PAFAH1B1: variants seen among roughly 807,000 people sequenced by gnomAD.
PAFAH1B1 encodes the protein platelet activating factor acetylhydrolase 1b regulatory subunit 1, also known as platelet-activating factor acetylhydrolase IB subunit beta.
In PAFAH1B1, 2 loss-of-function variants were observed where a neutral mutation model predicts 57.5. The observed-to-expected ratio is 0.03, with a 90% CI of 0.01 to 0.11. The LOEUF (loss-of-function observed/expected upper bound fraction) is 0.11, where lower values mean the gene tolerates loss of function less well. Among genes scored for constraint, PAFAH1B1 ranks in the 10% least tolerant of loss-of-function variants. The pLI, the probability that PAFAH1B1 is intolerant of heterozygous loss-of-function variation, is 1.00. For missense variants in PAFAH1B1, 257 were observed against 512.0 expected, an observed-to-expected ratio of 0.50 and a Z score of 4.81; for synonymous variants, 152 against 169.6, an observed-to-expected ratio of 0.90 and a Z score of 0.81.
At chr17:2,676,928 C>G (rs774559371) in intron 9 of PAFAH1B1, among the ~76,000 whole-genome samples, 10 of 151,984 alleles carry the variant, frequency 6.6e-5, no homozygotes, top group Admixed American at 1.3e-4. Context: ...TTTGGGAGGC[C>G]GAGGCGGGTG....
rs1391926938 is a variant in PAFAH1B1 at position 2,684,159 on chromosome 17, T to C, written c.*2357T>C. On this transcript the variant is annotated 3_prime_UTR_variant, in exon 11 of 11. Coordinates refer to ENST00000397195, the MANE Select transcript of PAFAH1B1 (RefSeq NM_000430.4). Reference sequence around the variant, plus strand: ...CCTCCATGTGAGAAGCAGCGAACATTGAATCTCAGGGATGGCCCACAACTG... The same window carrying C: ...CCTCCATGTGAGAAGCAGCGAACATCGAATCTCAGGGATGGCCCACAACTG... The C allele has an allele frequency of 6.6e-6, 1 of 152,578 alleles. No individual in the cohort carries two copies. The highest frequency in any genetic ancestry group is 1.5e-5 in the Non-Finnish European group (1 of 68,042). 9.5% of individuals were successfully genotyped at this position (152,578 alleles called of 1,614,324 possible).
chr17:2,634,585 A>T (rs2068597944), intron 1 of PAFAH1B1, among the ~76,000 whole-genome samples: 1 of 152,074 alleles, frequency 6.6e-6, no homozygotes. Flanking sequence ...TGTTGTCCTA[A>T]TGTAGACCTC....
At chr17:2,601,322 A>G (rs2068141494) in intron 1 of PAFAH1B1, among the ~76,000 whole-genome samples, 1 of 151,838 alleles carries the variant, frequency 6.6e-6, no homozygotes, top group South Asian at 2.1e-4. Flanking sequence ...TTTTTAATAG[A>G]GATGGGGGGT....
chr17:2,655,181 ATATGTGTGTG>A (rs941283247), intron 2 of PAFAH1B1, among the ~76,000 whole-genome samples: 2 of 122,674 alleles, frequency 1.6e-5, no homozygotes, highest in Admixed American at 8.1e-5. Flanking sequence ...ATATATACAT[ATATGTGTGTG>A]TGTGTGTGTG....
intron 2 of PAFAH1B1, among the ~76,000 whole-genome samples, chr17:2,644,163 CT>C (rs568959536): frequency 0.013 from 1,803 of 143,900 alleles, 18 homozygotes; most frequent in African/African-American, 0.023. Flanking sequence ...CTCTCTTGCT[CT>C]TTTTTTTTTT....
chr17:2,655,789 A>C (rs2151649411), intron 2 of PAFAH1B1, among the ~76,000 whole-genome samples: 1 of 152,288 alleles, frequency 6.6e-6, no homozygotes, highest in Non-Finnish European at 1.5e-5. Context: ...GATGTGAAAA[A>C]AAAAAAAATA....
chr17:2,617,546 A>G (rs1357276423), intron 1 of PAFAH1B1, among the ~76,000 whole-genome samples: 2 of 152,106 alleles, frequency 1.3e-5, no homozygotes, highest in Non-Finnish European at 2.9e-5. Flanking sequence ...TGTTTTTATT[A>G]CCTGCTGACA....
At chr17:2,678,024 A>T (rs2069299404) in intron 9 of PAFAH1B1, among the ~76,000 whole-genome samples, 1 of 151,994 alleles carries the variant, frequency 6.6e-6, no homozygotes, top group Non-Finnish European at 1.5e-5. Flanking sequence ...TTGGAGGCTG[A>T]GGCAGGTGGA....
At chr17:2,665,979 A>G (rs1471164973) in intron 3 of PAFAH1B1, 37 bp from the exon 4 acceptor site, 3 of 1,416,144 alleles carry the variant, frequency 2.1e-6, no homozygotes, top group Middle Eastern at 2.4e-4. Context: ...ATCATAGTTA[A>G]GCCATTTTTT....
chr17:2,676,831 G>C (rs535917863), intron 9 of PAFAH1B1, among the ~76,000 whole-genome samples: 9 of 152,292 alleles, frequency 5.9e-5, no homozygotes, highest in Admixed American at 2.6e-4. Flanking sequence ...CGGTGTTTGA[G>C]GGGGAGATGC....
At chr17:2,650,482 A>T (rs191523172) in intron 2 of PAFAH1B1, among the ~76,000 whole-genome samples, 1 of 151,154 alleles carries the variant, frequency 6.6e-6, no homozygotes, top group African/African-American at 2.4e-5. Flanking sequence ...ACTGCACTCC[A>T]GCCTGGGTGA....
chr17:2,670,353 T>C, intron 6 of PAFAH1B1, 22 bp downstream of exon 6: 1 of 1,593,272 alleles, frequency 6.3e-7, no homozygotes, highest in Non-Finnish European at 8.6e-7. Context: ...AGGATAGTGC[T>C]TTAACAGTAA....
intron 1 of PAFAH1B1, among the ~76,000 whole-genome samples, chr17:2,629,224 C>A (rs548055797): frequency 6.6e-6 from 1 of 152,128 alleles, no homozygotes; most frequent in African/African-American, 2.4e-5. Context: ...TTGATGTAGG[C>A]GTTTAGGGCT....
rs187500247 is a variant in PAFAH1B1, at chr17:2,654,684, G to A, written c.33-10688G>A. Among the ~76,000 whole-genome samples, 465 of 152,060 alleles carry A rather than the reference G, an allele frequency of 3.1e-3. 2 individuals are homozygous for A. Among genetic ancestry groups the A allele is most frequent in the Non-Finnish European group, 5.6e-3 (382 of 67,982 alleles). On this transcript the variant is annotated intron_variant, in intron 2 of 10. Coordinates refer to ENST00000397195, the MANE Select transcript of PAFAH1B1 (RefSeq NM_000430.4). ...TGAGATAGTGTCTGGCTCTGTTACC[G>A]AGGCTGGAGTGCAGTGGCTCAATCT...
intron 10 of PAFAH1B1, 25 bp from the exon 11 acceptor site, chr17:2,681,701 TTAA>T: frequency 6.3e-7 from 1 of 1,587,888 alleles, no homozygotes; most frequent in Non-Finnish European, 8.6e-7. Context: ...CGTGTGAGTT[TTAA>T]ATAAACCATT....
intron 5 of PAFAH1B1, among the ~76,000 whole-genome samples, chr17:2,667,692 A>T (rs1297393142): frequency 6.6e-6 from 1 of 151,988 alleles, no homozygotes; most frequent in African/African-American, 2.4e-5. Context: ...CTGCAAAAGA[A>T]TTCAGTAGAG....
chr17:2,632,518 T>A (rs1376890461), intron 1 of PAFAH1B1, among the ~76,000 whole-genome samples: 3 of 152,226 alleles, frequency 2.0e-5, no homozygotes, highest in African/African-American at 7.2e-5. Context: ...ATAGGACTTT[T>A]CACAGTCTAG....
chr17:2,593,608 C>T, upstream of PAFAH1B1: 1 of 216,406 alleles, frequency 4.6e-6, no homozygotes. Flanking sequence ...GCGGCGGCGG[C>T]GGCGGCGGCG....
intron 1 of PAFAH1B1, among the ~76,000 whole-genome samples, chr17:2,627,143 G>A (rs1036379586): frequency 4.6e-5 from 7 of 152,146 alleles, no homozygotes; most frequent in African/African-American, 1.7e-4. Flanking sequence ...TTGCTTTTGG[G>A]TTCTTGGTCA....
Sources: gnomAD v4.1 joint callset for allele counts (sites outside exome capture counted in the v4.1 genomes callset) on GRCh38, gnomAD v4.1.1 for gene constraint, MANE v1.5 for transcripts, NCBI Gene and HGNC (gene_info 2026-07-23, HGNC 2026-07-21) for gene names.